GAS7: variants seen among roughly 807,000 people sequenced by gnomAD.
The protein encoded by GAS7 is growth arrest specific 7.
A neutral mutation model predicts 71.1 loss-of-function variants in GAS7; 28 were observed. That is an observed-to-expected ratio of 0.39 (90% CI 0.29 to 0.54). The LOEUF is 0.54. GAS7 is among the 20% of genes least tolerant of loss of function. The pLI, the probability that GAS7 is intolerant of heterozygous loss-of-function variation, is 0.62. For synonymous variants in GAS7, 258 were observed against 245.8 expected (o/e 1.05, Z -0.46); for missense variants, 436 against 627.8 (o/e 0.69, Z 3.27).
chr17:10,109,592 G>A (rs1186416962), intron 1 of GAS7, among the ~76,000 whole-genome samples: 1 of 152,108 alleles, frequency 6.6e-6, no homozygotes, highest in African/African-American at 2.4e-5. Flanking sequence ...CCCACTGCTG[G>A]GTATTTATCC....
intron 1 of GAS7, among the ~76,000 whole-genome samples, chr17:10,125,162 T>TA (rs1217124935): frequency 6.6e-6 from 1 of 151,484 alleles, no homozygotes; most frequent in Non-Finnish European, 1.5e-5. Context: ...TAACAAACAC[T>TA]AAAACAAACC....
intron 1 of GAS7, among the ~76,000 whole-genome samples, chr17:10,049,828 G>C (rs1406190257): frequency 2.0e-5 from 3 of 151,808 alleles, no homozygotes; most frequent in Non-Finnish European, 4.4e-5. Flanking sequence ...CACCATGTTG[G>C]CCAGGCTGGT....
At chr17:10,073,279 C>T (rs756014315) in intron 1 of GAS7, among the ~76,000 whole-genome samples, 1 of 152,182 alleles carries the variant, frequency 6.6e-6, no homozygotes, top group Non-Finnish European at 1.5e-5. Context: ...GAACTAATTC[C>T]ACCCCAGGGG....
chr17:10,141,850 A>T (rs747569994), intron 1 of GAS7, among the ~76,000 whole-genome samples: 3 of 152,238 alleles, frequency 2.0e-5, no homozygotes, highest in Non-Finnish European at 4.4e-5. Flanking sequence ...TGTTAAGATT[A>T]ACACTTTTCA....
rs1048708474 is a variant in GAS7 at position 10,014,103 on chromosome 17, A to C, written c.304+5674T>G. ...ATCTCTCCCAGAACGCACCCCAGGG[A>C]ACCACACACTCAGCATGGACTCATT... is the stretch of plus-strand genomic sequence containing the variant. On this transcript the variant is annotated intron_variant, in intron 2 of 13. Transcript: ENST00000432992. Among the ~76,000 whole-genome samples, 14 of 152,294 alleles carry C rather than the reference A, an allele frequency of 9.2e-5. 2 individuals are homozygous for C. Among genetic ancestry groups the C allele is most frequent in the East Asian group, 3.9e-4 (2 of 5,182 alleles).
Position 9,969,666 on chromosome 17 carries a change from G to T in GAS7, c.471+11C>A. On this transcript the variant is annotated intron_variant, in intron 4 of 13. Transcript: ENST00000432992. The surrounding 1 kb of genome is among the most constrained non-coding windows in gnomAD (Gnocchi z 5.5). ...AGTGACCGCTATACCTCCCTCAACA[G>T]GACCCCTTACCTGGGAATCACCGGT... 2 of 1,550,542 alleles carry T rather than the reference G, an allele frequency of 1.3e-6. No homozygotes were observed. The highest frequency in any genetic ancestry group is 1.8e-6 in the Non-Finnish European group (2 of 1,121,928).
At chr17:10,009,722 A>G (rs1406690745) in intron 2 of GAS7, among the ~76,000 whole-genome samples, 2 of 149,706 alleles carry the variant, frequency 1.3e-5, no homozygotes, top group African/African-American at 4.9e-5. Context: ...TTTTTTTTCC[A>G]GTAGCCTGGT....
intron 1 of GAS7, among the ~76,000 whole-genome samples, chr17:10,037,565 A>G (rs1307491238): frequency 2.0e-5 from 3 of 152,074 alleles, no homozygotes; most frequent in African/African-American, 7.3e-5. Context: ...GGGTCGGGGG[A>G]AGAAAATAAG....
In GAS7 at chr17:9,943,204, G is replaced by T. The variant is rs17339499; in HGVS notation, c.648C>A (p.Thr216=). 9.9e-6 allele frequency: 16 copies of T among 1,611,906 alleles called. No individual in the cohort carries two copies. The highest frequency in any genetic ancestry group is 1.2e-5 in the Non-Finnish European group (14 of 1,178,194). ...ADKKDPQGNG[T]VAGFELLLQK... ...GGAGCAGTAGTTCAAACCCAGCCAC[G>T]GTGCCGTTGCCTTGGGGGTCCTTCT... The change falls in exon 7 of 14, where the codon ACC becomes ACA. Residue 216 remains threonine (T), a synonymous_variant. Transcript: ENST00000432992.
chr17:10,173,437 C>T (rs1305696393), intron 1 of GAS7, among the ~76,000 whole-genome samples: 1 of 151,954 alleles, frequency 6.6e-6, no homozygotes, highest in Non-Finnish European at 1.5e-5. Flanking sequence ...ATGAGTTTCC[C>T]GAAATCAGGG....
At chr17:10,144,022 C>T (rs938791756) in intron 1 of GAS7, among the ~76,000 whole-genome samples, 6 of 152,218 alleles carry the variant, frequency 3.9e-5, no homozygotes, top group African/African-American at 1.4e-4. Flanking sequence ...GCTAAGAATA[C>T]TCAGAGCTCT....
chr17:10,009,671 CAAA>C (rs373722135), intron 2 of GAS7, among the ~76,000 whole-genome samples: 1 of 78,274 alleles, frequency 1.3e-5, no homozygotes, highest in Non-Finnish European at 2.7e-5. Context: ...GACCCCTTCT[CAAA>C]AAAAAAAAAA....
At chr17:9,997,113 G>A (rs781296578) in intron 2 of GAS7, among the ~76,000 whole-genome samples, 1 of 152,122 alleles carries the variant, frequency 6.6e-6, no homozygotes, top group Non-Finnish European at 1.5e-5. Context: ...CAAGGCAATG[G>A]TGAAAGGCTG....
At chr17:10,174,764 C>T (rs2074360946) in intron 1 of GAS7, among the ~76,000 whole-genome samples, 1 of 152,130 alleles carries the variant, frequency 6.6e-6, no homozygotes, top group African/African-American at 2.4e-5. Context: ...ACTTCAGGCC[C>T]CAGGTTCAGA....
chr17:10,134,640 C>A (rs1056546353), intron 1 of GAS7, among the ~76,000 whole-genome samples: 1 of 152,082 alleles, frequency 6.6e-6, no homozygotes, highest in Non-Finnish European at 1.5e-5. Flanking sequence ...TGGGGCCTAC[C>A]CCATAAGGGT....
chr17:10,139,190 C>T (rs76102052), intron 1 of GAS7, among the ~76,000 whole-genome samples: 4,389 of 152,302 alleles, frequency 0.029, 198 homozygotes, highest in East Asian at 0.17. Flanking sequence ...AAGACAGGAA[C>T]ACAGCTATTT....
chr17:10,015,572 T>C (rs181250605), intron 2 of GAS7, among the ~76,000 whole-genome samples: 12 of 152,290 alleles, frequency 7.9e-5, no homozygotes, highest in African/African-American at 2.9e-4. Context: ...GCTATTCTCA[T>C]AGATGCCTTC....
At chr17:9,951,543 G>A (rs1289687654) in intron 5 of GAS7, among the ~76,000 whole-genome samples, 1 of 152,148 alleles carries the variant, frequency 6.6e-6, no homozygotes, top group Non-Finnish European at 1.5e-5. Flanking sequence ...GATCACCTGA[G>A]GTCGGGAGTT....
intron 1 of GAS7, among the ~76,000 whole-genome samples, chr17:10,101,604 G>C (rs944629089): frequency 6.6e-6 from 1 of 152,122 alleles, no homozygotes; most frequent in Non-Finnish European, 1.5e-5. Flanking sequence ...CATTCATGAG[G>C]GCCAATAAAT....
Sources: gnomAD v4.1 joint callset for allele counts (sites outside exome capture counted in the v4.1 genomes callset) on GRCh38, gnomAD v4.1.1 for gene constraint, Gnocchi (gnomAD v3.1) non-coding constraint, MANE v1.5 for transcripts, NCBI Gene and HGNC (gene_info 2026-07-23, HGNC 2026-07-21) for gene names.